Variants in MYO16 observed in about 807,000 individuals in gnomAD.
MYO16 encodes the protein myosin XVI.
MYO16 carries 94 observed loss-of-function variants against 205.3 expected under a neutral mutation model. That is an observed-to-expected ratio of 0.46 (90% CI 0.39 to 0.54). The LOEUF (loss-of-function observed/expected upper bound fraction) is 0.54. Ranked by LOEUF, MYO16 falls within the 20% of genes least tolerant of loss-of-function variation. MYO16 has a pLI of 0.00. For missense variants in MYO16, 2,315 were observed against 2,387.5 expected, an observed-to-expected ratio of 0.97 and a Z score of 0.63; for synonymous variants, 988 against 954.0, an observed-to-expected ratio of 1.04 and a Z score of -0.66.
At chr13:108,897,101 C>G (rs907370737) in intron 14 of MYO16, among the ~76,000 whole-genome samples, 3 of 152,214 alleles carry the variant, frequency 2.0e-5, no homozygotes, top group Admixed American at 2.0e-4. Context: ...CACTAGGGAA[C>G]AGGAAAACTA....
intron 20 of MYO16, among the ~76,000 whole-genome samples, chr13:108,979,077 T>C (rs1038951492): frequency 6.6e-6 from 1 of 152,074 alleles, no homozygotes; most frequent in Non-Finnish European, 1.5e-5. Flanking sequence ...TTGATAATTA[T>C]TGCTCAAGAA....
chr13:108,537,178 A>G, the MYO16 span, among the ~76,000 whole-genome samples: 1 of 152,050 alleles, frequency 6.6e-6, no homozygotes, highest in Non-Finnish European at 1.5e-5. Flanking sequence ...AGTTCCCAGT[A>G]TCTGTTATTC....
At chr13:108,992,330 G>A (rs763732981) in intron 20 of MYO16, 46 bp from the exon 21 acceptor site, 4 of 1,359,356 alleles carry the variant, frequency 2.9e-6, no homozygotes, top group Non-Finnish European at 4.2e-6. Flanking sequence ...GGTCATGAAG[G>A]AGTTTTAAGG....
chr13:108,758,821 T>C (rs1164619456), intron 4 of MYO16, among the ~76,000 whole-genome samples: 1 of 152,216 alleles, frequency 6.6e-6, no homozygotes, highest in East Asian at 1.9e-4. Context: ...ATCAGAATAT[T>C]ACATTTTGAG....
At chr13:108,550,104 C>T in the MYO16 span, among the ~76,000 whole-genome samples, 2 of 152,220 alleles carry the variant, frequency 1.3e-5, no homozygotes, top group Admixed American at 6.5e-5. Context: ...TGCAGATGGA[C>T]AAGAAGTGAA....
At chr13:108,598,869 T>G (rs1233189805) in intron 1 of MYO16, among the ~76,000 whole-genome samples, 4 of 151,902 alleles carry the variant, frequency 2.6e-5, no homozygotes. Flanking sequence ...TATTATACTT[T>G]AAGTTTTAGG....
At chr13:109,052,744 T>C (rs890686797) in intron 25 of MYO16, among the ~76,000 whole-genome samples, 12 of 152,078 alleles carry the variant, frequency 7.9e-5, no homozygotes, top group Non-Finnish European at 5.9e-5. Context: ...GTTTCATCTC[T>C]GACTGCCTTT....
At chr13:108,499,243 A>G in the MYO16 span, among the ~76,000 whole-genome samples, 1 of 152,358 alleles carries the variant, frequency 6.6e-6, no homozygotes, top group East Asian at 1.9e-4. Context: ...TTCTATAGTG[A>G]CATTTCCTGA....
At chr13:108,756,320 A>T (rs1197467361) in intron 4 of MYO16, among the ~76,000 whole-genome samples, 1 of 152,146 alleles carries the variant, frequency 6.6e-6, no homozygotes, top group African/African-American at 2.4e-5. Context: ...TTATATATGT[A>T]TGAGAAATGT....
intron 4 of MYO16, among the ~76,000 whole-genome samples, chr13:108,778,526 G>T (rs912191708): frequency 2.0e-5 from 3 of 152,222 alleles, no homozygotes; most frequent in South Asian, 2.1e-4. Context: ...GGCTGAGGCA[G>T]GAGAATCGCT....
the MYO16 span, among the ~76,000 whole-genome samples, chr13:108,519,385 T>C: frequency 6.6e-6 from 1 of 152,152 alleles, no homozygotes; most frequent in Non-Finnish European, 1.5e-5. Context: ...CTCTCTTTCT[T>C]TGTACTCCCA....
intron 23 of MYO16, among the ~76,000 whole-genome samples, chr13:109,029,179 A>G: frequency 7.0e-6 from 1 of 143,414 alleles, no homozygotes; most frequent in Non-Finnish European, 1.5e-5. Flanking sequence ...CAAAGACACA[A>G]TCTCGGCTCA....
chr13:108,817,393 A>C lies in MYO16; in HGVS notation c.868-2944A>C, dbSNP rs868353324. On this transcript the variant is annotated intron_variant, in intron 7 of 34. Transcript: ENST00000457511. ...TGCACAAGCATGGACGAATCTCAAG[A>C]ATATTATATTGGGCAAACATATACA... Among the ~76,000 whole-genome samples, 20 of 140,984 alleles carry C rather than the reference A, an allele frequency of 1.4e-4. No homozygotes were observed. The Middle Eastern group carries it at 0.014, about 102-fold the overall frequency. 92.5% of individuals were successfully genotyped at this position (140,984 alleles called of 152,430 possible).
chr13:108,665,819 G>A (rs1459336455), intron 1 of MYO16, 67 bp from the exon 2 acceptor site: 11 of 1,485,650 alleles, frequency 7.4e-6, no homozygotes, highest in Non-Finnish European at 3.6e-6. Context: ...AATCAAGTGT[G>A]CTGTGGTGCA....
At chr13:108,925,279 C>T (rs1241796247) in intron 16 of MYO16, among the ~76,000 whole-genome samples, 3 of 152,072 alleles carry the variant, frequency 2.0e-5, no homozygotes, top group Admixed American at 2.0e-4. Context: ...GACAATGGGG[C>T]AATTGGGGCG....
At chr13:108,917,972 C>CT (rs1468016221) in intron 16 of MYO16, among the ~76,000 whole-genome samples, 1 of 152,214 alleles carries the variant, frequency 6.6e-6, no homozygotes, top group Admixed American at 6.5e-5. Context: ...GACGAAGTGA[C>CT]TGAGAACTGC....
intron 9 of MYO16, among the ~76,000 whole-genome samples, chr13:108,841,547 A>T (rs1877244426): frequency 6.6e-6 from 1 of 152,144 alleles, no homozygotes; most frequent in African/African-American, 2.4e-5. Context: ...CTGTAAGAGA[A>T]TTTTTTTCTT....
At chr13:108,709,007 C>T (rs561684696) in intron 2 of MYO16, among the ~76,000 whole-genome samples, 2 of 151,762 alleles carry the variant, frequency 1.3e-5, no homozygotes, top group South Asian at 4.2e-4. Context: ...CACCCCCTCC[C>T]ACAGGCATCT....
At chr13:108,922,302 G>A (rs1479810081) in intron 16 of MYO16, among the ~76,000 whole-genome samples, 1 of 152,178 alleles carries the variant, frequency 6.6e-6, no homozygotes. Flanking sequence ...CCTGTTGGGT[G>A]GGGCAGCCAG....
Sources: allele counts gnomAD v4.1 joint callset (sites outside exome capture counted in the v4.1 genomes callset), GRCh38; gene constraint gnomAD v4.1.1; transcripts MANE v1.5; gene names NCBI Gene and HGNC (gene_info 2026-07-23, HGNC 2026-07-21).